The following USP34 variants were observed in gnomAD, a reference collection of about 807,000 sequenced individuals.
USP34 encodes ubiquitin specific peptidase 34.
A neutral mutation model predicts 460.3 loss-of-function variants in USP34; 70 were observed. The ratio of observed to expected loss-of-function variants is 0.15; its 90% CI spans 0.13 to 0.19. The LOEUF is 0.19. Ranked by LOEUF, USP34 falls within the 10% of genes least tolerant of loss-of-function variation. The probability of loss-of-function intolerance (pLI) is 1.00; values close to 1 mark genes in which losing one functional copy is unlikely to be tolerated. For synonymous variants in USP34, 1,647 were observed against 1,405.3 expected (o/e 1.17, Z -3.85); for missense variants, 3,985 against 4,236.2 (o/e 0.94, Z 1.65).
At chr2:61,317,916 A>T in intron 22 of USP34, 149 bp from the exon 23 acceptor site, 2 of 607,284 alleles carry the variant, frequency 3.3e-6, no homozygotes, top group Non-Finnish European at 5.3e-6. Context: ...AAAAATATAT[A>T]ATAATTTTGC....
chr2:61,206,662 C>T, intron 71 of USP34, 98 bp downstream of exon 71: 5 of 1,455,424 alleles, frequency 3.4e-6, no homozygotes, highest in East Asian at 2.3e-5. Context: ...TGTGCATAAA[C>T]TAGGATAAAA....
intron 20 of USP34, among the ~76,000 whole-genome samples, chr2:61,329,722 T>A (rs1235095458): frequency 6.6e-6 from 1 of 152,244 alleles, no homozygotes; most frequent in African/African-American, 2.4e-5. Flanking sequence ...TTATTTGTTT[T>A]AACCAGGTAA....
At chr2:61,265,780 T>C (rs1263978899) in intron 42 of USP34, 1 of 702,898 alleles carries the variant, frequency 1.4e-6, no homozygotes, top group Non-Finnish European at 2.0e-6. Flanking sequence ...AAATTACTTT[T>C]ACAGAAAAAG....
chr2:61,449,589 A>C (rs1458904706), intron 1 of USP34, among the ~76,000 whole-genome samples: 3 of 152,212 alleles, frequency 2.0e-5, no homozygotes, highest in East Asian at 1.9e-4. Flanking sequence ...ACAGCAATCA[A>C]GACAGTGTAG....
At chr2:61,437,774 A>AAAATAAATAAATAAATAAAT (rs61610795) in intron 1 of USP34, among the ~76,000 whole-genome samples, 3,252 of 134,486 alleles carry the variant, frequency 0.024, 51 homozygotes, top group East Asian at 0.053. Context: ...CTCCGTCTCA[A>AAAATAAATAAATAAATAAAT]AAATAAATAA....
chr2:61,355,847 T>C (rs753128692), intron 10 of USP34, among the ~76,000 whole-genome samples: 2 of 152,206 alleles, frequency 1.3e-5, no homozygotes, highest in African/African-American at 4.8e-5. Flanking sequence ...CTTGATCCAA[T>C]TGTCTATAAG....
At chr2:61,239,810 C>T (rs922184996) in intron 53 of USP34, among the ~76,000 whole-genome samples, 1 of 151,960 alleles carries the variant, frequency 6.6e-6, no homozygotes, top group African/African-American at 2.4e-5. Flanking sequence ...AGATTGAGAC[C>T]ATCCTGGCTA....
intron 27 of USP34, among the ~76,000 whole-genome samples, chr2:61,303,118 G>C (rs1169949307): frequency 6.6e-6 from 1 of 151,960 alleles, no homozygotes; most frequent in East Asian, 1.9e-4. Context: ...CCAGGCTGGA[G>C]TGCAGTGGCT....
At position 61,202,155 on chromosome 2, in the gene USP34, T is replaced by G. The variant is rs567383945; in HGVS notation, c.9508+985A>C. Among the ~76,000 whole-genome samples, 3 of 152,338 alleles carry G rather than the reference T, an allele frequency of 2.0e-5. No homozygotes were observed. The East Asian group carries it at 5.8e-4, about 29-fold the overall frequency. On this transcript the variant is annotated intron_variant, in intron 75 of 79. Transcript: ENST00000398571. The stretch of plus-strand genomic sequence containing the variant: ...ATTATCCCTGACAGCTGTTACCACT[T>G]TCTTCTTCTTGGATAATGAATTCTA...
At chr2:61,351,758 ATTC>A (rs1414820388) in intron 10 of USP34, among the ~76,000 whole-genome samples, 1 of 152,164 alleles carries the variant, frequency 6.6e-6, no homozygotes, top group Non-Finnish European at 1.5e-5. Context: ...TACTGCAGGA[ATTC>A]TTCTATCTTG....
chr2:61,284,614 G>A (rs1317989530), intron 35 of USP34, among the ~76,000 whole-genome samples: 1 of 152,092 alleles, frequency 6.6e-6, no homozygotes, highest in Non-Finnish European at 1.5e-5. Context: ...ACAAAGTACT[G>A]GTGAACAGTC....
rs529364338 is a variant in USP34 at position 61,348,187 on chromosome 2, C to G, written c.1968G>C (p.Gly656=). The change falls in exon 15 of 80, where the codon GGG becomes GGC. Residue 656 remains glycine (G), a synonymous_variant. Transcript: ENST00000398571. ...TTCTTTCTGACATGCCTTGGGAGTCCCCCAGGCAAATGCCTGCTTGACTCT... is the reference window on the plus strand; with the variant it reads ...TTCTTTCTGACATGCCTTGGGAGTCGCCCAGGCAAATGCCTGCTTGACTCT... ...KLESQAGICL[G]DSQGMSERNG... 76 of 1,614,154 alleles carry G rather than the reference C, an allele frequency of 4.7e-5. No individual in the cohort carries two copies. The East Asian group carries it at 1.5e-3, about 33-fold the overall frequency.
At chr2:61,268,096 A>AG (rs1689105960) in intron 41 of USP34, among the ~76,000 whole-genome samples, 2 of 152,184 alleles carry the variant, frequency 1.3e-5, no homozygotes, top group Non-Finnish European at 2.9e-5. Flanking sequence ...GAACCTACTC[A>AG]TATACTTCAC....
intron 59 of USP34, 72 bp downstream of exon 59, chr2:61,229,467 AAAAAAAAAC>A: frequency 3.3e-6 from 2 of 604,548 alleles, no homozygotes; most frequent in Non-Finnish European, 4.7e-6. Flanking sequence ...TAAAAAAAAA[AAAAAAAAAC>A]AAAAAAAAAA....
intron 22 of USP34, 75 bp downstream of exon 22, chr2:61,319,098 T>C: frequency 3.6e-6 from 5 of 1,387,880 alleles, no homozygotes; most frequent in South Asian, 3.0e-5. Context: ...AAAAAAGGCA[T>C]TACAGAATTC....
chr2:61,347,088 C>T (rs963655485), intron 15 of USP34, among the ~76,000 whole-genome samples: 27 of 151,986 alleles, frequency 1.8e-4, no homozygotes, highest in African/African-American at 6.5e-4. Flanking sequence ...TGCAGTGAGC[C>T]TAGATCGTGC....
Position 61,283,466 on chromosome 2 carries a change from C to T in USP34, c.4833-17G>A. 1 of 1,599,662 alleles carries T rather than the reference C, an allele frequency of 6.3e-7. No individual in the cohort carries two copies. The highest frequency in any genetic ancestry group is 2.2e-5 in the East Asian group (1 of 44,690). On this transcript the variant is annotated splice_polypyrimidine_tract_variant and intron_variant, in intron 35 of 79. Coordinates refer to ENST00000398571, the MANE Select transcript of USP34 (RefSeq NM_014709.4). ...TTTAAAACTCTGTAAAGTAAAAACA[C>T]CACCACCACCAATTAAATTCAGCAA...
intron 41 of USP34, among the ~76,000 whole-genome samples, chr2:61,276,558 T>C (rs1438329776): frequency 6.6e-6 from 1 of 152,128 alleles, no homozygotes; most frequent in African/African-American, 2.4e-5. Context: ...TCAAACCAAA[T>C]GGGAATATTC....
intron 3 of USP34, among the ~76,000 whole-genome samples, chr2:61,395,600 C>CATCCCGGCTAAA (rs1209465887): frequency 6.8e-6 from 1 of 147,830 alleles, no homozygotes; most frequent in Non-Finnish European, 1.5e-5. Context: ...AGATCGAGAC[C>CATCCCGGCTAAA]ACGGTGAAAC....
Sources: allele counts gnomAD v4.1 joint callset (sites outside exome capture counted in the v4.1 genomes callset), GRCh38; gene constraint gnomAD v4.1.1; transcripts MANE v1.5; gene names NCBI Gene and HGNC (gene_info 2026-07-23, HGNC 2026-07-21).